Variants in SRGAP1 observed in about 807,000 individuals in gnomAD.
SRGAP1 encodes the protein SLIT-ROBO Rho GTPase-activating protein 1.
A neutral mutation model predicts 121.9 loss-of-function variants in SRGAP1; 43 were observed. The ratio of observed to expected loss-of-function variants is 0.35; its 90% CI spans 0.28 to 0.46. The LOEUF is 0.46. Among genes scored for constraint, SRGAP1 ranks in the 20% least tolerant of loss-of-function variants. SRGAP1 has a pLI of 1.00. For missense variants in SRGAP1, 1,102 were observed against 1,350.9 expected, an observed-to-expected ratio of 0.82 and a Z score of 2.89; for synonymous variants, 447 against 485.4, an observed-to-expected ratio of 0.92 and a Z score of 1.04.
intron 6 of SRGAP1, among the ~76,000 whole-genome samples, chr12:64,054,676 C>A (rs980337941): frequency 2.6e-5 from 4 of 152,064 alleles, no homozygotes; most frequent in African/African-American, 9.7e-5. Context: ...TATTTAAAAA[C>A]TGAAATGAGT....
chr12:63,883,036 C>T (rs1215537181), intron 1 of SRGAP1, among the ~76,000 whole-genome samples: 1 of 152,232 alleles, frequency 6.6e-6, no homozygotes, highest in African/African-American at 2.4e-5. Flanking sequence ...CATGTGATTG[C>T]AGTGACAGCC....
At chr12:63,885,106 A>G (rs1196562123) in intron 1 of SRGAP1, among the ~76,000 whole-genome samples, 2 of 151,986 alleles carry the variant, frequency 1.3e-5, no homozygotes, top group African/African-American at 4.8e-5. Context: ...CTCTACTCTC[A>G]CACTACAACA....
chr12:64,144,895 A>G lies in SRGAP1; in HGVS notation c.*2223A>G, dbSNP rs1029944696. 8.0e-6 allele frequency: 1 copy of G among 125,084 alleles called. No individual in the cohort carries two copies. Among genetic ancestry groups the G allele is most frequent in the African/African-American group, 3.2e-5 (1 of 31,556 alleles). The allele number at this position is 125,084 out of a possible 1,614,324, so 7.7% of individuals were successfully genotyped here. On this transcript the variant is annotated 3_prime_UTR_variant, in exon 22 of 22. Transcript: ENST00000355086. ...AGTCTTGCTCTGTCGCCCAGGCCAG[A>G]GTACAGTGGTGCAATCTCGGCTCCC...
chr12:63,975,865 C>A (rs1385755327), intron 1 of SRGAP1, among the ~76,000 whole-genome samples: 1 of 152,020 alleles, frequency 6.6e-6, no homozygotes, highest in Non-Finnish European at 1.5e-5. Context: ...ATATGGATAC[C>A]ATTCATTCTT....
At chr12:63,985,260 T>C (rs566467129) in intron 2 of SRGAP1, among the ~76,000 whole-genome samples, 5 of 152,230 alleles carry the variant, frequency 3.3e-5, no homozygotes, top group African/African-American at 1.2e-4. Flanking sequence ...GGAAACATCA[T>C]GGGCAAGGGG....
chr12:64,158,467 A>G lies in SRGAP1; in HGVS notation c.*15795A>G, dbSNP rs2037182899. 6.6e-6 allele frequency: 1 copy of G among 152,234 alleles called. No individual in the cohort carries two copies. The highest frequency in any genetic ancestry group is 1.5e-5 in the Non-Finnish European group (1 of 68,038). 9.4% of individuals were successfully genotyped at this position (152,234 alleles called of 1,614,324 possible). A position where few individuals can be genotyped will look rare whatever the true frequency, so the allele number is the denominator to read the frequency against. ...GTGCTAAAGTCTACCCTCTTAGTTG[A>G]CATAGAATTAAATTAAAATCAGTAT... On this transcript the variant is annotated 3_prime_UTR_variant, in exon 22 of 22. Coordinates refer to ENST00000355086, the MANE Select transcript of SRGAP1 (RefSeq NM_020762.4).
At chr12:64,059,061 A>C (rs2035398383) in intron 6 of SRGAP1, among the ~76,000 whole-genome samples, 1 of 152,080 alleles carries the variant, frequency 6.6e-6, no homozygotes, top group Non-Finnish European at 1.5e-5. Flanking sequence ...GGTAGCACTC[A>C]AAGCTCAGAA....
Position 63,992,660 on chromosome 12 carries a change from T to TACACACACACAC in SRGAP1, c.426+2633_426+2644dup, listed in dbSNP as rs59798383. Among the ~76,000 whole-genome samples the TACACACACACAC allele has an allele frequency of 1.5e-3, 210 of 138,566 alleles. 1 individual carries two copies. The highest frequency in any genetic ancestry group is 4.4e-3 in the African/African-American group (158 of 35,916). 90.9% of individuals were successfully genotyped at this position (138,566 alleles called of 152,430 possible). A position where few individuals can be genotyped will look rare whatever the true frequency, so the allele number is the denominator to read the frequency against. The stretch of plus-strand genomic sequence containing the variant: ...AATGGCCTGGAGAATGCACAGTAAA[T>TACACACACACAC]ACACACACACACACACACACACACA... On this transcript the variant is annotated intron_variant, in intron 3 of 21. Transcript: ENST00000355086.
Position 64,153,654 on chromosome 12 carries a change from TAAC to T in SRGAP1, c.*10985_*10987del, listed in dbSNP as rs1271971455. The T allele has an allele frequency of 6.6e-6, 1 of 151,836 alleles. No homozygotes were observed. The highest frequency in any genetic ancestry group is 1.5e-5 in the Non-Finnish European group (1 of 67,988). 9.4% of individuals were successfully genotyped at this position (151,836 alleles called of 1,614,324 possible). A position where few individuals can be genotyped will look rare whatever the true frequency, so the allele number is the denominator to read the frequency against. Reference sequence around the variant, plus strand: ...TCTCAAATGATCAAACTCCAGAAAATAACAAGTATTGGCCAGGGTGTAGAGAAA... The same window carrying T: ...TCTCAAATGATCAAACTCCAGAAAATAAGTATTGGCCAGGGTGTAGAGAAA... On this transcript the variant is annotated 3_prime_UTR_variant, in exon 22 of 22. Coordinates refer to ENST00000355086, the MANE Select transcript of SRGAP1 (RefSeq NM_020762.4).
At chr12:64,056,369 A>G (rs543051200) in intron 6 of SRGAP1, among the ~76,000 whole-genome samples, 24 of 152,136 alleles carry the variant, frequency 1.6e-4, no homozygotes, top group Non-Finnish European at 2.8e-4. Flanking sequence ...CCTGGCCAAC[A>G]TAGCAAAACC....
At chr12:64,123,812 C>T (rs2036645222) in intron 18 of SRGAP1, among the ~76,000 whole-genome samples, 1 of 151,952 alleles carries the variant, frequency 6.6e-6, no homozygotes, top group Non-Finnish European at 1.5e-5. Context: ...CACCCAGCCA[C>T]TAAAAGATTT....
chr12:63,868,071 T>G (rs1160426850), intron 1 of SRGAP1, among the ~76,000 whole-genome samples: 2,962 of 97,582 alleles, frequency 0.03, 106 homozygotes, highest in African/African-American at 0.13. Context: ...TTTTTTTTTT[T>G]TTTTTTTGTT....
In SRGAP1 at chr12:64,144,180, G is replaced by A. The variant is rs1456856161; in HGVS notation, c.*1508G>A. ...CTACTAGCAGCAGCTGATATCACCT[G>A]TAGACCTATGAGCATTTTATCTATT... On this transcript the variant is annotated 3_prime_UTR_variant, in exon 22 of 22. Transcript: ENST00000355086. 1 of 151,572 alleles carries A rather than the reference G, an allele frequency of 6.6e-6. No individual in the cohort carries two copies. Among genetic ancestry groups the A allele is most frequent in the East Asian group, 2.0e-4 (1 of 5,096 alleles). The allele number at this position is 151,572 out of a possible 1,614,324, so 9.4% of individuals were successfully genotyped here.
intron 1 of SRGAP1, among the ~76,000 whole-genome samples, chr12:63,870,796 A>G (rs1298452049): frequency 1.3e-5 from 2 of 152,074 alleles, no homozygotes; most frequent in Non-Finnish European, 1.5e-5. Context: ...CTGCCTCACA[A>G]TATTCCTCCA....
chr12:63,887,553 A>G (rs1470130119), intron 1 of SRGAP1: 1 of 152,214 alleles, frequency 6.6e-6, no homozygotes, highest in East Asian at 1.9e-4. Flanking sequence ...ACCATTTCCC[A>G]GGGGCCATTT....
At chr12:63,930,838 G>A (rs2136337460) in intron 1 of SRGAP1, among the ~76,000 whole-genome samples, 1 of 152,250 alleles carries the variant, frequency 6.6e-6, no homozygotes, top group Non-Finnish European at 1.5e-5. Flanking sequence ...TTATTGCAAA[G>A]CTATTTTTAC....
chr12:63,911,123 C>T (rs2030475098), intron 1 of SRGAP1, among the ~76,000 whole-genome samples: 1 of 151,894 alleles, frequency 6.6e-6, no homozygotes, highest in Admixed American at 6.6e-5. Flanking sequence ...AACGGTGAAA[C>T]CCCATCTCTA....
intron 1 of SRGAP1, among the ~76,000 whole-genome samples, chr12:63,964,431 A>G (rs1472325029): frequency 6.6e-6 from 1 of 152,136 alleles, no homozygotes; most frequent in Non-Finnish European, 1.5e-5. Flanking sequence ...AGTATTTATT[A>G]TACCTGTTTT....
chr12:64,137,736 A>C (rs1411870296), intron 21 of SRGAP1, among the ~76,000 whole-genome samples: 1 of 152,148 alleles, frequency 6.6e-6, no homozygotes, highest in Non-Finnish European at 1.5e-5. Context: ...TGCAAACAAA[A>C]TTAAACAATA....
Sources: gnomAD v4.1 joint callset for allele counts (sites outside exome capture counted in the v4.1 genomes callset) on GRCh38, gnomAD v4.1.1 for gene constraint, MANE v1.5 for transcripts, NCBI Gene and HGNC (gene_info 2026-07-23, HGNC 2026-07-21) for gene names.